The following DRD3 variants were observed in gnomAD, a reference collection of about 807,000 sequenced individuals.
The protein encoded by DRD3 is D(3) dopamine receptor.
Under a neutral mutation model 36.3 loss-of-function variants are expected in DRD3, and 19 were observed. The observed-to-expected ratio is 0.52, with a 90% CI of 0.36 to 0.77. DRD3 has a LOEUF of 0.77. Ranked by LOEUF, DRD3 falls within the 30% of genes least tolerant of loss-of-function variation. The pLI is 0.00. For synonymous variants in DRD3, 195 were observed against 203.7 expected, an observed-to-expected ratio of 0.96 and a Z score of 0.36; for missense variants, 465 against 505.3, an observed-to-expected ratio of 0.92 and a Z score of 0.77.
intron 1 of DRD3, among the ~76,000 whole-genome samples, chr3:114,178,144 C>T (rs2077919028): frequency 3.3e-5 from 5 of 152,144 alleles, no homozygotes; most frequent in Admixed American, 3.3e-4. Context: ...AGGAAACATA[C>T]ACAATCATCA....
upstream of DRD3, among the ~76,000 whole-genome samples, chr3:114,180,551 T>C (rs1300206221): frequency 6.6e-6 from 1 of 152,110 alleles, no homozygotes; most frequent in Non-Finnish European, 1.5e-5. Context: ...AAACCAAACC[T>C]GCCACCCTGT....
At chr3:114,139,911 T>C (rs1220769546) in intron 4 of DRD3, among the ~76,000 whole-genome samples, 1 of 152,140 alleles carries the variant, frequency 6.6e-6, no homozygotes, top group Admixed American at 6.5e-5. Flanking sequence ...AATAAAAAGT[T>C]ACCAACAATC....
At chr3:114,164,608 A>T (rs368954560) in intron 2 of DRD3, among the ~76,000 whole-genome samples, 1 of 152,150 alleles carries the variant, frequency 6.6e-6, no homozygotes, top group East Asian at 1.9e-4. Flanking sequence ...TTGGTTTGGG[A>T]AACACTGGTC....
At chr3:114,161,258 G>A (rs2077730417) in intron 2 of DRD3, among the ~76,000 whole-genome samples, 1 of 152,164 alleles carries the variant, frequency 6.6e-6, no homozygotes, top group Non-Finnish European at 1.5e-5. Context: ...GTGAAAAATG[G>A]TACAGTAGCC....
At chr3:114,143,188 TAATA>T (rs1465566895) in intron 4 of DRD3, among the ~76,000 whole-genome samples, 1 of 152,198 alleles carries the variant, frequency 6.6e-6, no homozygotes, top group Non-Finnish European at 1.5e-5. Context: ...AGTGCATAAA[TAATA>T]AATAAATGAG....
chr3:114,167,240 A>G (rs756020930), intron 2 of DRD3, among the ~76,000 whole-genome samples: 2 of 152,144 alleles, frequency 1.3e-5, no homozygotes, highest in Non-Finnish European at 2.9e-5. Flanking sequence ...TGAGTTTAGT[A>G]TTCCAAATGT....
intron 2 of DRD3, among the ~76,000 whole-genome samples, chr3:114,161,650 C>G (rs1208453565): frequency 2.6e-5 from 4 of 152,018 alleles, no homozygotes; most frequent in African/African-American, 4.8e-5. Flanking sequence ...CCAATTGGCT[C>G]TATATAAATA....
chr3:114,142,983 G>A (rs1277700895), intron 4 of DRD3, among the ~76,000 whole-genome samples: 1 of 152,186 alleles, frequency 6.6e-6, no homozygotes, highest in African/African-American at 2.4e-5. Flanking sequence ...CCTGGCCCTG[G>A]GTGTGTGTCC....
intron 4 of DRD3, among the ~76,000 whole-genome samples, chr3:114,142,684 A>T (rs1358829767): frequency 7.2e-5 from 11 of 152,174 alleles, no homozygotes; most frequent in African/African-American, 2.7e-4. Context: ...TATGTATCTC[A>T]TGGGCACCTT....
chr3:114,129,299 C>A (rs539047234), intron 6 of DRD3, among the ~76,000 whole-genome samples: 1 of 152,034 alleles, frequency 6.6e-6, no homozygotes, highest in Non-Finnish European at 1.5e-5. Context: ...GCCAAGATTG[C>A]GCCATTGCAC....
In DRD3 at chr3:114,171,754, G is replaced by A. The variant is rs751054980; in HGVS notation, c.239C>T (p.Thr80Ile). The stretch of plus-strand genomic sequence containing the variant: ...GTATACCACCCAGGGCATCACCAAG[G>A]TGGCCACCAGCAAGTCTGCCACAGC... ...SLAVADLLVA[T>I]LVMPWVVYLE... is the part of the protein sequence containing the mutation. The change falls in exon 2 of 7, where the codon ACC becomes ATC. Residue 80 changes from threonine to isoleucine, a missense_variant. By Grantham distance (89) the Thr-to-Ile change is moderately conservative. Coordinates refer to ENST00000383673, the MANE Select transcript of DRD3 (RefSeq NM_000796.6). 18 of 1,611,562 alleles carry A rather than the reference G, an allele frequency of 1.1e-5. No individual in the cohort carries two copies. Among genetic ancestry groups the A allele is most frequent in the South Asian group, 5.5e-5 (5 of 90,566 alleles).
chr3:114,149,311 G>A (rs938796681), intron 3 of DRD3, among the ~76,000 whole-genome samples: 3 of 152,182 alleles, frequency 2.0e-5, no homozygotes, highest in South Asian at 2.1e-4. Context: ...GAGGTCAGAC[G>A]GGGGAGGAAC....
chr3:114,128,698 G>A lies in DRD3; in HGVS notation c.*18C>T, dbSNP rs201990415. ...GCAGCTAGAAATGGGTACAAAGAGTGTTCCCTCTTCTGCTCCCTCAGCAAG... is the reference window on the plus strand; with the variant it reads ...GCAGCTAGAAATGGGTACAAAGAGTATTCCCTCTTCTGCTCCCTCAGCAAG... On this transcript the variant is annotated 3_prime_UTR_variant, in exon 7 of 7. Transcript: ENST00000383673. 37 of 1,570,930 alleles carry A rather than the reference G, an allele frequency of 2.4e-5. No homozygotes were observed. The highest frequency in any genetic ancestry group is 2.9e-5 in the Non-Finnish European group (33 of 1,156,626).
chr3:114,174,230 C>G (rs2077875736), intron 1 of DRD3, among the ~76,000 whole-genome samples: 1 of 152,220 alleles, frequency 6.6e-6, no homozygotes, highest in African/African-American at 2.4e-5. Context: ...TCTGATTGTT[C>G]AAGGATATTC....
intron 3 of DRD3, among the ~76,000 whole-genome samples, chr3:114,156,773 T>TTC (rs1206520681): frequency 1.6e-4 from 20 of 126,882 alleles, no homozygotes; most frequent in African/African-American, 5.3e-4. Flanking sequence ...CTTTCTTTCT[T>TTC]TCTTTCTTTC....
At chr3:114,141,654 T>A (rs1292961035) in intron 4 of DRD3, among the ~76,000 whole-genome samples, 1 of 152,112 alleles carries the variant, frequency 6.6e-6, no homozygotes, top group Admixed American at 6.5e-5. Context: ...GCCACTAGAA[T>A]CTTTACAAGC....
chr3:114,134,724 GT>G (rs961886057), intron 5 of DRD3, among the ~76,000 whole-genome samples: 5 of 151,834 alleles, frequency 3.3e-5, no homozygotes, highest in East Asian at 1.9e-4. Flanking sequence ...CTGGCCTAGA[GT>G]TTTTTTTAAA....
At chr3:114,190,411 AATATATATATATATATATATATAT>A (rs1176905493) in intron 1 of DRD3, among the ~76,000 whole-genome samples, 1,481 of 40,862 alleles carry the variant, frequency 0.036, 48 homozygotes, top group Non-Finnish European at 0.048. Flanking sequence ...GAAAAAGGAT[AATATATATATATATATATATATAT>A]ATATATATAT....
intron 1 of DRD3, among the ~76,000 whole-genome samples, chr3:114,177,475 G>A (rs2077911525): frequency 6.6e-6 from 1 of 152,058 alleles, no homozygotes; most frequent in South Asian, 2.1e-4. Context: ...TAGAGACTGA[G>A]CATCCTACCA....
Sources: gnomAD v4.1 joint callset for allele counts (sites outside exome capture counted in the v4.1 genomes callset) on GRCh38, gnomAD v4.1.1 for gene constraint, MANE v1.5 for transcripts, NCBI Gene and HGNC (gene_info 2026-07-23, HGNC 2026-07-21) for gene names.